Variants in TAFA1 observed in about 807,000 individuals in gnomAD.
TAFA1 encodes the protein TAFA chemokine like family member 1.
Under a neutral mutation model 18.5 loss-of-function variants are expected in TAFA1, and 4 were observed. The ratio of observed to expected loss-of-function variants is 0.22; its 90% CI spans 0.11 to 0.49. The LOEUF is 0.49. TAFA1 is among the 20% of genes least tolerant of loss of function. The probability of loss-of-function intolerance (pLI) is 0.98; values close to 1 mark genes in which losing one functional copy is unlikely to be tolerated. For missense variants in TAFA1, 147 were observed against 169.0 expected (o/e 0.87, Z 0.72); for synonymous variants, 56 against 55.2 (o/e 1.01, Z -0.06).
chr3:68,164,279 A>T (rs2065957846), intron 2 of TAFA1, among the ~76,000 whole-genome samples: 1 of 152,174 alleles, frequency 6.6e-6, no homozygotes, highest in South Asian at 2.1e-4. Context: ...TTTCAAACAG[A>T]ATCTCAAAGT....
At chr3:68,265,768 A>G (rs996917534) in intron 2 of TAFA1, among the ~76,000 whole-genome samples, 6 of 152,188 alleles carry the variant, frequency 3.9e-5, no homozygotes, top group African/African-American at 1.2e-4. Flanking sequence ...TGCGTACTGC[A>G]GAAGCTGAGT....
chr3:68,111,224 G>T (rs1364284018), intron 2 of TAFA1, among the ~76,000 whole-genome samples: 1 of 152,160 alleles, frequency 6.6e-6, no homozygotes, highest in African/African-American at 2.4e-5. Flanking sequence ...TTGGGTAGGT[G>T]CAATCTACTA....
intron 2 of TAFA1, among the ~76,000 whole-genome samples, chr3:68,181,654 A>G (rs2066202351): frequency 6.6e-6 from 1 of 152,202 alleles, no homozygotes; most frequent in Non-Finnish European, 1.5e-5. Flanking sequence ...TATCTAAAGT[A>G]TGTCTTAGAT....
intron 2 of TAFA1, among the ~76,000 whole-genome samples, chr3:68,403,684 T>C (rs2070540249): frequency 6.6e-6 from 1 of 152,220 alleles, no homozygotes; most frequent in Admixed American, 6.5e-5. Context: ...CAGCGAAGTT[T>C]GGTAGTTGCT....
At chr3:68,385,963 A>G (rs922568995) in intron 2 of TAFA1, among the ~76,000 whole-genome samples, 16 of 152,042 alleles carry the variant, frequency 1.1e-4, no homozygotes, top group Non-Finnish European at 2.4e-4. Flanking sequence ...GTTATCTGAA[A>G]CTGTATAATA....
At chr3:68,279,704 A>G (rs17047430) in intron 2 of TAFA1, among the ~76,000 whole-genome samples, 57,940 of 152,052 alleles carry the variant, frequency 0.38, 11,516 homozygotes, top group East Asian at 0.71. Context: ...TAGAAATGCC[A>G]AGGAGATAGT....
rs1470432792 is a variant in TAFA1 at position 68,225,034 on chromosome 3, G to A, written c.119-192246G>A. Among the ~76,000 whole-genome samples, 10 of 148,638 alleles carry A rather than the reference G, an allele frequency of 6.7e-5. No individual in the cohort carries two copies. In the Admixed American group the frequency reaches 6.8e-4, roughly 10 times the overall value. Reference sequence around the variant, plus strand: ...AGCAATTCTTCTGCCTCAGCCTCCCGAGTAGCTGGGACTACAGGTGCACAC... The same window carrying A: ...AGCAATTCTTCTGCCTCAGCCTCCCAAGTAGCTGGGACTACAGGTGCACAC... On this transcript the variant is annotated intron_variant, in intron 2 of 4. Transcript: ENST00000478136.
chr3:68,103,261 A>C (rs1165114973), intron 2 of TAFA1, among the ~76,000 whole-genome samples: 2 of 152,210 alleles, frequency 1.3e-5, no homozygotes, highest in Non-Finnish European at 2.9e-5. Context: ...CCCACCTTTT[A>C]GGAGAAAGTG....
intron 2 of TAFA1, among the ~76,000 whole-genome samples, chr3:68,405,552 T>C (rs2070584840): frequency 6.8e-6 from 1 of 147,816 alleles, no homozygotes; most frequent in Non-Finnish European, 1.5e-5. Flanking sequence ...ATCAAAACAT[T>C]AGCCAAGCAT....
At chr3:68,028,128 C>A (rs537786763) in intron 2 of TAFA1, among the ~76,000 whole-genome samples, 1 of 151,984 alleles carries the variant, frequency 6.6e-6, no homozygotes, top group South Asian at 2.1e-4. Context: ...GGTGAAACCC[C>A]GTCTCTACAA....
intron 2 of TAFA1, among the ~76,000 whole-genome samples, chr3:68,232,583 T>C (rs1230285399): frequency 6.6e-6 from 1 of 152,134 alleles, no homozygotes; most frequent in Non-Finnish European, 1.5e-5. Flanking sequence ...GCAGGATTGC[T>C]GGATCATATG....
At chr3:68,115,122 A>G (rs1261047252) in intron 2 of TAFA1, among the ~76,000 whole-genome samples, 1 of 152,218 alleles carries the variant, frequency 6.6e-6, no homozygotes, top group African/African-American at 2.4e-5. Context: ...TATAATTGGG[A>G]AGGGACAGCC....
At chr3:68,258,788 T>A (rs1358358405) in intron 2 of TAFA1, among the ~76,000 whole-genome samples, 1 of 152,210 alleles carries the variant, frequency 6.6e-6, no homozygotes, top group Non-Finnish European at 1.5e-5. Context: ...TTCACTTTCT[T>A]CCTTGGGATG....
At chr3:68,057,687 A>G (rs946186407) in intron 2 of TAFA1, among the ~76,000 whole-genome samples, 1 of 152,208 alleles carries the variant, frequency 6.6e-6, no homozygotes, top group Non-Finnish European at 1.5e-5. Flanking sequence ...TGGTATGGGA[A>G]GATTATCCTG....
chr3:68,271,815 ATCTCTC>A (rs140600575), intron 2 of TAFA1, among the ~76,000 whole-genome samples: 14 of 147,284 alleles, frequency 9.5e-5, no homozygotes, highest in Non-Finnish European at 2.0e-4. Flanking sequence ...CTCTTTGTCT[ATCTCTC>A]TCTCTCTCTC....
chr3:68,114,338 A>G (rs1019322626), intron 2 of TAFA1, among the ~76,000 whole-genome samples: 65 of 152,170 alleles, frequency 4.3e-4, no homozygotes, highest in African/African-American at 1.5e-3. Context: ...AGAGCAGAAG[A>G]ACTATGAGCT....
chr3:68,055,985 T>A (rs755698553), intron 2 of TAFA1, among the ~76,000 whole-genome samples: 1 of 152,134 alleles, frequency 6.6e-6, no homozygotes, highest in Non-Finnish European at 1.5e-5. Flanking sequence ...TTCAGCTCAC[T>A]TGAGCCTGTC....
At chr3:68,074,667 A>G (rs2064802666) in intron 2 of TAFA1, among the ~76,000 whole-genome samples, 1 of 152,230 alleles carries the variant, frequency 6.6e-6, no homozygotes, top group Non-Finnish European at 1.5e-5. Context: ...TAGGAAACAG[A>G]GACTCAGGGA....
At chr3:68,507,232 C>T (rs113778673) in intron 3 of TAFA1, among the ~76,000 whole-genome samples, 1 of 152,140 alleles carries the variant, frequency 6.6e-6, no homozygotes, top group African/African-American at 2.4e-5. Flanking sequence ...AGAGCCACCA[C>T]TGGGCCCTAA....
Sources: allele counts gnomAD v4.1 joint callset (sites outside exome capture counted in the v4.1 genomes callset), GRCh38; gene constraint gnomAD v4.1.1; transcripts MANE v1.5; gene names NCBI Gene and HGNC (gene_info 2026-07-23, HGNC 2026-07-21).